Variants in LTBP1 observed in about 807,000 individuals in gnomAD.
LTBP1 encodes latent transforming growth factor beta binding protein 1.
LTBP1 carries 129 observed loss-of-function variants against 207.6 expected under a neutral mutation model. That is an observed-to-expected ratio of 0.62 (90% CI 0.54 to 0.72). The LOEUF (loss-of-function observed/expected upper bound fraction) is 0.72. Ranked by LOEUF, LTBP1 falls within the 30% of genes least tolerant of loss-of-function variation. The pLI is 0.00. For missense variants in LTBP1, 2,281 were observed against 2,217.2 expected (o/e 1.03, Z -0.58); for synonymous variants, 963 against 833.7 (o/e 1.16, Z -2.67).
intron 18 of LTBP1, among the ~76,000 whole-genome samples, chr2:33,279,773 A>G (rs1222028853): frequency 1.3e-5 from 2 of 152,220 alleles, no homozygotes; most frequent in Non-Finnish European, 2.9e-5. Flanking sequence ...GCCAACTCCC[A>G]GAGTGGAGAG....
chr2:33,192,298 G>C (rs924850824), intron 7 of LTBP1, among the ~76,000 whole-genome samples: 2 of 152,092 alleles, frequency 1.3e-5, no homozygotes, highest in South Asian at 4.2e-4. Context: ...TTAATAGTGG[G>C]GCAGCCTGAC....
At position 33,347,387 on chromosome 2, in the gene LTBP1, C is replaced by T. The variant is rs907543840; in HGVS notation, c.3877C>T (p.Leu1293Phe). 1 of 1,614,024 alleles carries T rather than the reference C, an allele frequency of 6.2e-7. No individual in the cohort carries two copies. Among genetic ancestry groups the T allele is most frequent in the African/African-American group, 1.3e-5 (1 of 74,908 alleles). Residue 1293 changes from leucine to phenylalanine, a missense_variant, in exon 26 of 34, where the codon CTC (leucine) becomes TTC (phenylalanine). By Grantham distance (22) the Leu-to-Phe change is conservative. Coordinates refer to ENST00000404816, the MANE Select transcript of LTBP1 (RefSeq NM_206943.4). ...GCVDVNECEL[L>F]SGVCGEAFCE... is the part of the protein sequence containing the mutation. The stretch of plus-strand genomic sequence containing the variant: ...TCCAGATGTGAATGAATGTGAACTG[C>T]TCAGTGGGGTGTGTGGTGAAGCCTT...
chr2:33,158,811 C>G (rs2084217231), intron 5 of LTBP1, among the ~76,000 whole-genome samples: 1 of 152,226 alleles, frequency 6.6e-6, no homozygotes, highest in Non-Finnish European at 1.5e-5. Context: ...CCCTTTTCCC[C>G]TAACCCCGAT....
At chr2:33,191,399 C>G (rs900283056) in intron 7 of LTBP1, among the ~76,000 whole-genome samples, 1 of 152,188 alleles carries the variant, frequency 6.6e-6, no homozygotes, top group Non-Finnish European at 1.5e-5. Flanking sequence ...GATCTCAATT[C>G]TTAATTCATT....
chr2:33,271,676 C>G (rs754619480), intron 15 of LTBP1, among the ~76,000 whole-genome samples: 5 of 152,252 alleles, frequency 3.3e-5, no homozygotes, highest in Non-Finnish European at 5.9e-5. Context: ...AAATGCTAAT[C>G]CTAAAAACCA....
chr2:33,166,510 A>G (rs1028292554), intron 5 of LTBP1, among the ~76,000 whole-genome samples: 4 of 152,120 alleles, frequency 2.6e-5, no homozygotes, highest in Non-Finnish European at 4.4e-5. Context: ...TAGACCTCCA[A>G]TTGTTTTATT....
chr2:33,232,135 G>A (rs190343864), intron 9 of LTBP1, among the ~76,000 whole-genome samples: 36 of 152,152 alleles, frequency 2.4e-4, no homozygotes, highest in African/African-American at 6.5e-4. Context: ...AACCATCCTA[G>A]GAGGGTATTC....
At chr2:32,990,808 G>T (rs1411882468) in intron 2 of LTBP1, among the ~76,000 whole-genome samples, 2 of 152,130 alleles carry the variant, frequency 1.3e-5, no homozygotes, top group South Asian at 2.1e-4. Context: ...TTTCATCTTG[G>T]TGGGAGAAAA....
At position 33,083,743 on chromosome 2, in the gene LTBP1, T is replaced by G. The variant is rs1299189949; in HGVS notation, c.864-26839T>G. ...CTTATATGTTACCTTAAGGCAGAGC[T>G]GTTCTCATTGCAGAATGTTACCATT... On this transcript the variant is annotated intron_variant, in intron 3 of 33. Transcript: ENST00000404816. Among the ~76,000 whole-genome samples, 3 of 152,220 alleles carry G rather than the reference T, an allele frequency of 2.0e-5. No homozygotes were observed. In the East Asian group the frequency reaches 5.8e-4, roughly 29 times the overall value.
chr2:33,249,661 T>C (rs1260205063), intron 10 of LTBP1, among the ~76,000 whole-genome samples: 1 of 152,224 alleles, frequency 6.6e-6, no homozygotes, highest in African/African-American at 2.4e-5. Context: ...GCAAAAAAAT[T>C]ACTTTCCTGG....
intron 24 of LTBP1, among the ~76,000 whole-genome samples, chr2:33,331,715 G>A (rs982545272): frequency 1.2e-4 from 18 of 152,062 alleles, no homozygotes; most frequent in Non-Finnish European, 2.4e-4. Context: ...TGTAAGTTGT[G>A]TTGTTAAAAT....
chr2:33,118,900 T>G (rs1371094457), intron 4 of LTBP1, among the ~76,000 whole-genome samples: 1 of 152,102 alleles, frequency 6.6e-6, no homozygotes, highest in Non-Finnish European at 1.5e-5. Context: ...AAGATAGCTG[T>G]GAAACAGTAG....
intron 24 of LTBP1, among the ~76,000 whole-genome samples, chr2:33,321,753 C>A (rs59889310): frequency 6.6e-6 from 1 of 152,120 alleles, no homozygotes; most frequent in South Asian, 2.1e-4. Context: ...TAAGAGTTTT[C>A]GGGTCTGAAA....
chr2:33,019,614 C>A (rs1326477132), intron 2 of LTBP1, among the ~76,000 whole-genome samples: 2 of 152,066 alleles, frequency 1.3e-5, no homozygotes, highest in Non-Finnish European at 1.5e-5. Context: ...GGATTACAGG[C>A]GTGAGCCACT....
intron 19 of LTBP1, among the ~76,000 whole-genome samples, chr2:33,282,932 A>G (rs2093588455): frequency 6.6e-6 from 1 of 152,026 alleles, no homozygotes; most frequent in South Asian, 2.1e-4. Flanking sequence ...GTGTGGTGGC[A>G]CGCGCCTATA....
chr2:33,287,333 C>T (rs1425798019), intron 19 of LTBP1, among the ~76,000 whole-genome samples: 3 of 152,170 alleles, frequency 2.0e-5, no homozygotes, highest in Non-Finnish European at 4.4e-5. Flanking sequence ...AGGATGTGAC[C>T]TCTGATCTTT....
chr2:33,095,736 T>A (rs2079348074), intron 3 of LTBP1, among the ~76,000 whole-genome samples: 1 of 152,026 alleles, frequency 6.6e-6, no homozygotes. Flanking sequence ...ATGGGGGAAT[T>A]TTTAATAGAA....
At chr2:33,126,294 C>A (rs1227523835) in intron 4 of LTBP1, among the ~76,000 whole-genome samples, 1 of 152,102 alleles carries the variant, frequency 6.6e-6, no homozygotes, top group Non-Finnish European at 1.5e-5. Context: ...GTCTCGATCT[C>A]CTGAACTCAA....
intron 31 of LTBP1, among the ~76,000 whole-genome samples, chr2:33,387,799 C>A (rs2095280262): frequency 6.6e-6 from 1 of 151,400 alleles, no homozygotes; most frequent in African/African-American, 2.4e-5. Context: ...CAAACGTGGC[C>A]ATTGCCTTGC....
Sources: gnomAD v4.1 joint callset for allele counts (sites outside exome capture counted in the v4.1 genomes callset) on GRCh38, gnomAD v4.1.1 for gene constraint, MANE v1.5 for transcripts, NCBI Gene and HGNC (gene_info 2026-07-23, HGNC 2026-07-21) for gene names.